Variants in ZEB2 observed in about 807,000 individuals in gnomAD.
The protein encoded by ZEB2 is zinc finger E-box binding homeobox 2, also known as zinc finger E-box-binding homeobox 2.
ZEB2 carries 6 observed loss-of-function variants against 99.9 expected under a neutral mutation model. The observed-to-expected ratio is 0.06, with a 90% CI of 0.03 to 0.12. ZEB2 has a LOEUF of 0.12. Among genes scored for constraint, ZEB2 ranks in the 10% least tolerant of loss-of-function variants. The probability of loss-of-function intolerance (pLI) is 1.00; values close to 1 mark genes in which losing one functional copy is unlikely to be tolerated. For synonymous variants in ZEB2, 517 were observed against 542.5 expected, an observed-to-expected ratio of 0.95 and a Z score of 0.65; for missense variants, 969 against 1,502.8, an observed-to-expected ratio of 0.64 and a Z score of 5.87.
chr2:144,428,553 C>T (rs1183492947), intron 3 of ZEB2: 1 of 152,178 alleles, frequency 6.6e-6, no homozygotes, highest in Admixed American at 6.5e-5. Context: ...GAGAAACCTT[C>T]ACCGAAAGCA....
rs1263988709 is a variant in ZEB2, at chr2:144,389,037, CAAT to C, written c.*411_*413del. 28 of 411,764 alleles carry C rather than the reference CAAT, an allele frequency of 6.8e-5. No homozygotes were observed. Among genetic ancestry groups the C allele is most frequent in the East Asian group, 1.6e-4 (3 of 18,676 alleles). 25.5% of individuals were successfully genotyped at this position (411,764 alleles called of 1,614,324 possible). Reference sequence around the variant, plus strand: ...AGCACATTAAATTAAAAAGGAATAACAATAATAATAATAAAAATACTGATGTAT... The same window carrying C: ...AGCACATTAAATTAAAAAGGAATAACAATAATAATAAAAATACTGATGTAT... On this transcript the variant is annotated 3_prime_UTR_variant, in exon 10 of 10. Coordinates refer to ENST00000627532, the MANE Select transcript of ZEB2 (RefSeq NM_014795.4). The surrounding 1 kb of genome is among the most constrained non-coding windows in gnomAD (Gnocchi z 6.8).
Position 144,405,212 on chromosome 2 carries a change from C to T in ZEB2, c.404-188G>A, listed in dbSNP as rs544079686. 752 of 640,380 alleles carry T rather than the reference C, an allele frequency of 1.2e-3. 1 individual carries two copies. Among genetic ancestry groups the T allele is most frequent in the Non-Finnish European group, 1.6e-3 (602 of 372,372 alleles). 39.7% of individuals were successfully genotyped at this position (640,380 alleles called of 1,614,324 possible). On this transcript the variant is annotated intron_variant, in intron 4 of 9. Transcript: ENST00000627532. ...TATTCTTGCAATATATGCAAGAAGGCGGGCACTTTCCTTCAAGTTAAATAA... is the reference window on the plus strand; with the variant it reads ...TATTCTTGCAATATATGCAAGAAGGTGGGCACTTTCCTTCAAGTTAAATAA...
chr2:144,512,424 C>T (rs1318163546), intron 2 of ZEB2: 1 of 1,287,198 alleles, frequency 7.8e-7, no homozygotes, highest in Non-Finnish European at 1.0e-6. Flanking sequence ...ATACATTTTT[C>T]CCAGGAAATA....
intron 2 of ZEB2, among the ~76,000 whole-genome samples, chr2:144,446,943 G>C (rs1703993241): frequency 6.6e-6 from 1 of 150,592 alleles, no homozygotes; most frequent in Non-Finnish European, 1.5e-5. Flanking sequence ...TTGAACCCAA[G>C]AGATGGAGGT....
In ZEB2 at chr2:144,399,966, G is replaced by A. The variant is rs144613207; in HGVS notation, c.1221C>T (p.His407=). 102 of 1,614,150 alleles carry A rather than the reference G, an allele frequency of 6.3e-5. No individual in the cohort carries two copies. Among genetic ancestry groups the A allele is most frequent in the Admixed American group, 3.3e-4 (20 of 60,014 alleles). Reference sequence around the variant, plus strand: ...TAAAGGGACTAGTGCCACTAAACCCGTGTGTAGCCATAAGAACTTTATAGT... The same window carrying A: ...TAAAGGGACTAGTGCCACTAAACCCATGTGTAGCCATAAGAACTTTATAGT... The part of the protein sequence containing the change: ...FNDYKVLMAT[H]GFSGTSPFMN... Residue 407 remains histidine, a synonymous_variant, in exon 8 of 10, where the codon CAC becomes CAT. Coordinates refer to ENST00000627532, the MANE Select transcript of ZEB2 (RefSeq NM_014795.4). The surrounding 1 kb of genome is among the most constrained non-coding windows in gnomAD (Gnocchi z 5.6).
intron 2 of ZEB2, chr2:144,464,228 T>C (rs1365080959): frequency 1.3e-5 from 2 of 152,178 alleles, no homozygotes; most frequent in Non-Finnish European, 2.9e-5. Context: ...CGTAAATGTT[T>C]TGAGGAAATT....
intron 2 of ZEB2, chr2:144,513,478 C>T (rs1445632752): frequency 1.3e-6 from 2 of 1,512,688 alleles, no homozygotes; most frequent in Non-Finnish European, 1.8e-6. Context: ...TTTCCCTTTT[C>T]TCTCCTCCTA....
intron 9 of ZEB2, among the ~76,000 whole-genome samples, chr2:144,395,939 A>C (rs928115267): frequency 2.6e-5 from 4 of 151,360 alleles, no homozygotes; most frequent in Admixed American, 6.6e-5. Flanking sequence ...TAGTTCTTTC[A>C]AAATGTGGCG....
chr2:144,447,718 C>T (rs1488850728), intron 2 of ZEB2, among the ~76,000 whole-genome samples: 1 of 152,196 alleles, frequency 6.6e-6, no homozygotes, highest in Non-Finnish European at 1.5e-5. Flanking sequence ...ACTGCAGCTT[C>T]GCATGCCCTT....
At chr2:144,498,765 G>C (rs921930048) in intron 2 of ZEB2, among the ~76,000 whole-genome samples, 1 of 152,152 alleles carries the variant, frequency 6.6e-6, no homozygotes, top group Non-Finnish European at 1.5e-5. Context: ...AGGGTCATGA[G>C]GGAAGGCCCG....
At chr2:144,419,029 C>T (rs1396538885) in intron 4 of ZEB2, among the ~76,000 whole-genome samples, 3 of 152,028 alleles carry the variant, frequency 2.0e-5, no homozygotes, top group Admixed American at 6.5e-5. Context: ...AAATGTCATG[C>T]CATTTAATCC....
At chr2:144,451,130 A>T (rs1382318382) in intron 2 of ZEB2, among the ~76,000 whole-genome samples, 1 of 152,216 alleles carries the variant, frequency 6.6e-6, no homozygotes, top group African/African-American at 2.4e-5. Context: ...AAGAAAACAC[A>T]TTTAAATTTA....
At chr2:144,442,269 A>T (rs1046169135) in intron 2 of ZEB2, among the ~76,000 whole-genome samples, 4 of 152,200 alleles carry the variant, frequency 2.6e-5, no homozygotes, top group African/African-American at 9.6e-5. Context: ...AAGAGGTCAC[A>T]CTGTTGCATA....
intron 2 of ZEB2, among the ~76,000 whole-genome samples, chr2:144,466,458 GA>G (rs1324085295): frequency 6.6e-6 from 1 of 152,068 alleles, no homozygotes; most frequent in African/African-American, 2.4e-5. Flanking sequence ...AACATATAGG[GA>G]ATATAGAGTG....
chr2:144,421,656 C>CT (rs34583976), intron 4 of ZEB2, among the ~76,000 whole-genome samples: 26,582 of 137,130 alleles, frequency 0.19, 2,599 homozygotes, highest in South Asian at 0.31. Flanking sequence ...GTGTCATAAT[C>CT]TTTTTTTTTT....
chr2:144,512,925 A>G (rs1291392027), intron 2 of ZEB2: 2 of 1,287,282 alleles, frequency 1.6e-6, no homozygotes, highest in South Asian at 2.5e-5. Flanking sequence ...AAAGTCAGCA[A>G]AACAGGCTCC....
chr2:144,513,690 C>T (rs1705082205), intron 2 of ZEB2: 1 of 1,535,570 alleles, frequency 6.5e-7, no homozygotes, highest in South Asian at 1.2e-5. Context: ...ACCCGCTGCC[C>T]GAATCAGGGG....
At chr2:144,472,062 T>C (rs961249297) in intron 2 of ZEB2, among the ~76,000 whole-genome samples, 3 of 152,166 alleles carry the variant, frequency 2.0e-5, no homozygotes, top group South Asian at 2.1e-4. Context: ...GCACAATATA[T>C]GTTCTTATGC....
intron 1 of ZEB2, chr2:144,519,591 G>C (rs767336174): frequency 1.0e-5 from 2 of 198,142 alleles, no homozygotes; most frequent in African/African-American, 2.4e-5. Flanking sequence ...CCCTTGATGA[G>C]TTTTTATTCC....
Sources: allele counts gnomAD v4.1 joint callset (sites outside exome capture counted in the v4.1 genomes callset), GRCh38; gene constraint gnomAD v4.1.1; non-coding constraint Gnocchi (gnomAD v3.1); transcripts MANE v1.5; gene names NCBI Gene and HGNC (gene_info 2026-07-23, HGNC 2026-07-21).